ADAMTS6: variants seen among roughly 807,000 people sequenced by gnomAD.
ADAMTS6 encodes the protein ADAM metallopeptidase with thrombospondin type 1 motif 6, also known as A disintegrin and metalloproteinase with thrombospondin motifs 6.
A neutral mutation model predicts 144.3 loss-of-function variants in ADAMTS6; 23 were observed. The observed-to-expected ratio is 0.16, with a 90% CI of 0.11 to 0.23. The LOEUF is 0.23. Ranked by LOEUF, ADAMTS6 falls within the 10% of genes least tolerant of loss-of-function variation. ADAMTS6 has a pLI of 1.00. For synonymous variants in ADAMTS6, 444 were observed against 457.5 expected, an observed-to-expected ratio of 0.97 and a Z score of 0.38; for missense variants, 999 against 1,379.6, an observed-to-expected ratio of 0.72 and a Z score of 4.37.
chr5:65,406,543 G>A (rs1393451862), intron 7 of ADAMTS6, among the ~76,000 whole-genome samples: 2 of 152,060 alleles, frequency 1.3e-5, no homozygotes, highest in Non-Finnish European at 2.9e-5. Flanking sequence ...GCTGGATTCC[G>A]TTTGCCAGTA....
At chr5:65,349,245 C>T (rs534898027) in intron 7 of ADAMTS6, among the ~76,000 whole-genome samples, 76 of 152,120 alleles carry the variant, frequency 5.0e-4, no homozygotes, top group African/African-American at 1.7e-3. Flanking sequence ...TTCTGCTAGG[C>T]AGTACCTTGG....
intron 7 of ADAMTS6, among the ~76,000 whole-genome samples, chr5:65,357,292 G>T (rs1359385204): frequency 1.3e-5 from 2 of 151,502 alleles, no homozygotes; most frequent in East Asian, 3.9e-4. Context: ...CATACCTATG[G>T]GATGCACATT....
rs1175769487 is a variant in ADAMTS6 at position 65,398,767 on chromosome 5, GAAAGA to G, written c.1073+52703_1073+52707del. Among the ~76,000 whole-genome samples, 16 of 142,956 alleles carry G rather than the reference GAAAGA, an allele frequency of 1.1e-4. 1 individual carries two copies. The highest frequency in any genetic ancestry group is 3.4e-4 in the African/African-American group (13 of 38,458). The allele number at this position is 142,956 out of a possible 152,430, so 93.8% of individuals were successfully genotyped here. A position where few individuals can be genotyped will look rare whatever the true frequency, so the allele number is the denominator to read the frequency against. On this transcript the variant is annotated intron_variant, in intron 7 of 24. Coordinates refer to ENST00000381055, the MANE Select transcript of ADAMTS6 (RefSeq NM_197941.4). ...AGATAAAGAGAGAAAGAGAGAGAGA[GAAAGA>G]AGAGAGAGCAAGAAAGAAAGAAAGA...
rs370051080 is a variant in ADAMTS6 at position 65,470,889 on chromosome 5, C to A, written c.351G>T (p.Gly117=). 6.2e-6 allele frequency: 10 copies of A among 1,610,428 alleles called. No homozygotes were observed. In the African/African-American group the frequency reaches 1.1e-4, roughly 17 times the overall value. ...CATGTTTCCACTGGGGTCCATCTTT[C>A]CCCCAATATTCTACTGTAAAATGTT... ...VSKHFTVEYW[G]KDGPQWKHDF... Residue 117 remains glycine, a synonymous_variant, in exon 3 of 25, where the codon GGG becomes GGT. Transcript: ENST00000381055.
intron 24 of ADAMTS6, among the ~76,000 whole-genome samples, chr5:65,155,958 T>G (rs1373216874): frequency 2.6e-5 from 4 of 152,222 alleles, no homozygotes; most frequent in Non-Finnish European, 5.9e-5. Flanking sequence ...TTTATACTTT[T>G]TGTCACTATA....
Position 65,170,694 on chromosome 5 carries a change from C to G in ADAMTS6, c.3167G>C (p.Cys1056Ser). 6.2e-7 allele frequency: 1 copy of G among 1,614,160 alleles called. No homozygotes were observed. The highest frequency in any genetic ancestry group is 8.5e-7 in the Non-Finnish European group (1 of 1,180,020). Residue 1056 changes from cysteine to serine, a missense_variant, in exon 24 of 25, where the codon TGT (cysteine) becomes TCT (serine). By Grantham distance (112) the Cys-to-Ser change is moderately radical. Transcript: ENST00000381055. Reference sequence around the variant, plus strand: ...TGATGGAGGCCGAACAGTTTCTAGACAGTCACTAGATGCCTGTCCGGTGTA... The same window carrying G: ...TGATGGAGGCCGAACAGTTTCTAGAGAGTCACTAGATGCCTGTCCGGTGTA... ...LSYTGQASSD[C>S]LETVRPPSMQ...
intron 14 of ADAMTS6, among the ~76,000 whole-genome samples, chr5:65,256,963 C>T (rs868095365): frequency 2.5e-4 from 30 of 121,814 alleles, no homozygotes; most frequent in African/African-American, 7.7e-4. Context: ...GTCACTTTTT[C>T]TCTCTCTCTC....
intron 7 of ADAMTS6, among the ~76,000 whole-genome samples, chr5:65,397,778 G>C (rs1310540506): frequency 6.6e-6 from 1 of 151,476 alleles, no homozygotes; most frequent in Non-Finnish European, 1.5e-5. Flanking sequence ...TTAGGAGGTT[G>C]AGGTGGGAGG....
chr5:65,267,845 C>T (rs1730744656), intron 12 of ADAMTS6, among the ~76,000 whole-genome samples: 1 of 152,146 alleles, frequency 6.6e-6, no homozygotes, highest in African/African-American at 2.4e-5. Flanking sequence ...CAATACAGAA[C>T]ATTCTTCCCA....
chr5:65,195,113 T>C (rs1412699124), intron 21 of ADAMTS6, among the ~76,000 whole-genome samples: 1 of 152,186 alleles, frequency 6.6e-6, no homozygotes, highest in African/African-American at 2.4e-5. Context: ...TGTCAGAGAA[T>C]TAACGTAATA....
At chr5:65,404,546 T>A in intron 7 of ADAMTS6, among the ~76,000 whole-genome samples, 1 of 152,224 alleles carries the variant, frequency 6.6e-6, no homozygotes, top group Non-Finnish European at 1.5e-5. Context: ...AGTCTATCAT[T>A]GATGGACATT....
At chr5:65,411,086 C>A (rs955467920) in intron 7 of ADAMTS6, among the ~76,000 whole-genome samples, 5 of 152,158 alleles carry the variant, frequency 3.3e-5, no homozygotes, top group African/African-American at 1.2e-4. Flanking sequence ...GATCCTCCCA[C>A]CTCAGCCTCC....
intron 7 of ADAMTS6, among the ~76,000 whole-genome samples, chr5:65,432,899 T>G (rs1757102461): frequency 6.6e-6 from 1 of 152,156 alleles, no homozygotes; most frequent in Admixed American, 6.5e-5. Flanking sequence ...CATGACATAT[T>G]ATCAGTTCAA....
At chr5:65,354,074 G>C (rs1427780883) in intron 7 of ADAMTS6, among the ~76,000 whole-genome samples, 1 of 151,774 alleles carries the variant, frequency 6.6e-6, no homozygotes, top group Non-Finnish European at 1.5e-5. Flanking sequence ...AGATATCCAT[G>C]ATTCACCTCA....
chr5:65,339,518 C>A (rs1747622943), intron 7 of ADAMTS6, among the ~76,000 whole-genome samples: 1 of 146,166 alleles, frequency 6.8e-6, no homozygotes, highest in African/African-American at 2.5e-5. Flanking sequence ...GAAACCAAAT[C>A]ATAAGGAAAT....
chr5:65,223,823 G>A (rs915450826), intron 18 of ADAMTS6, among the ~76,000 whole-genome samples: 12 of 144,742 alleles, frequency 8.3e-5, no homozygotes, highest in South Asian at 2.1e-4. Context: ...TTTTTGAGAC[G>A]GAGTCTCGCT....
chr5:65,338,950 C>T (rs1022564905), intron 7 of ADAMTS6, among the ~76,000 whole-genome samples: 1 of 152,194 alleles, frequency 6.6e-6, no homozygotes, highest in East Asian at 1.9e-4. Context: ...AGACACATCC[C>T]CATGCCAGCC....
chr5:65,184,446 C>T (rs1349245040), intron 22 of ADAMTS6, among the ~76,000 whole-genome samples: 3 of 152,034 alleles, frequency 2.0e-5, no homozygotes, highest in East Asian at 3.8e-4. Flanking sequence ...CCCCATCTTC[C>T]GTAAGTAATG....
intron 11 of ADAMTS6, among the ~76,000 whole-genome samples, chr5:65,274,592 T>A (rs148777653): frequency 6.6e-6 from 1 of 152,122 alleles, no homozygotes; most frequent in Non-Finnish European, 1.5e-5. Context: ...CCACAGAGTA[T>A]AAAAAATTGA....
Sources: allele counts gnomAD v4.1 joint callset (sites outside exome capture counted in the v4.1 genomes callset), GRCh38; gene constraint gnomAD v4.1.1; transcripts MANE v1.5; gene names NCBI Gene and HGNC (gene_info 2026-07-23, HGNC 2026-07-21).